The following ZFHX3 variants were observed in gnomAD, a reference collection of about 807,000 sequenced individuals.
The protein encoded by ZFHX3 is zinc finger homeobox 3.
A neutral mutation model predicts 279.1 loss-of-function variants in ZFHX3; 42 were observed. The ratio of observed to expected loss-of-function variants is 0.15; its 90% CI spans 0.12 to 0.19. ZFHX3 has a LOEUF of 0.19. Ranked by LOEUF, ZFHX3 falls within the 10% of genes least tolerant of loss-of-function variation. The probability of loss-of-function intolerance (pLI) is 1.00; values close to 1 mark genes in which losing one functional copy is unlikely to be tolerated. For missense variants in ZFHX3, 4,981 were observed against 4,754.0 expected (o/e 1.05, Z -1.40); for synonymous variants, 2,293 against 1,957.8 (o/e 1.17, Z -4.52).
chr16:73,022,343 C>A (rs1258461103), intron 1 of ZFHX3, among the ~76,000 whole-genome samples: 1 of 152,154 alleles, frequency 6.6e-6, no homozygotes, highest in Non-Finnish European at 1.5e-5. Context: ...GCAAGCCAGG[C>A]AGGCAGATGG....
At chr16:73,270,196 AT>A (rs1293193198) in intron 4 of ZFHX3, among the ~76,000 whole-genome samples, 1 of 152,178 alleles carries the variant, frequency 6.6e-6, no homozygotes, top group Admixed American at 6.5e-5. Context: ...TTTAGATTGC[AT>A]TTTCCTAAGG....
chr16:73,292,882 C>G (rs9935860), intron 4 of ZFHX3, among the ~76,000 whole-genome samples: 3 of 152,212 alleles, frequency 2.0e-5, no homozygotes, highest in Non-Finnish European at 4.4e-5. Context: ...CAGAAACTTT[C>G]TGGTATGTTC....
intron 2 of ZFHX3, among the ~76,000 whole-genome samples, chr16:73,560,568 G>A (rs562676987): frequency 5.3e-4 from 81 of 152,306 alleles, no homozygotes; most frequent in African/African-American, 1.8e-3. Context: ...ATTGCTAGGC[G>A]GGTTTGGGTG....
At chr16:73,034,400 G>C (rs1964825126) in intron 1 of ZFHX3, among the ~76,000 whole-genome samples, 1 of 152,198 alleles carries the variant, frequency 6.6e-6, no homozygotes, top group Non-Finnish European at 1.5e-5. Context: ...GGGGGCACTA[G>C]AGCCTCTAAG....
At chr16:73,263,555 T>C (rs2013882832) in intron 4 of ZFHX3, among the ~76,000 whole-genome samples, 2 of 152,174 alleles carry the variant, frequency 1.3e-5, no homozygotes, top group African/African-American at 4.8e-5. Context: ...ACATGTTGCC[T>C]GGTCCATGTC....
intron 6 of ZFHX3, chr16:73,134,622 A>T (rs1348633463): frequency 1.3e-5 from 2 of 151,768 alleles, no homozygotes; most frequent in African/African-American, 2.4e-5. Context: ...GGTATGCCCC[A>T]CTGCACCTGG....
intron 7 of ZFHX3, among the ~76,000 whole-genome samples, chr16:73,098,351 A>G (rs933645424): frequency 6.6e-6 from 1 of 150,978 alleles, no homozygotes; most frequent in Non-Finnish European, 1.5e-5. Context: ...TACAGGTGTG[A>G]GCCACCGTGC....
chr16:73,406,473 A>G (rs1427173520), intron 3 of ZFHX3, among the ~76,000 whole-genome samples: 2 of 152,194 alleles, frequency 1.3e-5, no homozygotes, highest in Admixed American at 1.3e-4. Flanking sequence ...TTACTATTTG[A>G]TACTTAGTAA....
intron 4 of ZFHX3, among the ~76,000 whole-genome samples, chr16:72,844,435 G>A (rs1359627203): frequency 3.3e-5 from 5 of 151,966 alleles, no homozygotes; most frequent in Admixed American, 6.6e-5. Context: ...CCTTCACACC[G>A]CCCATGTTTC....
chr16:73,612,200 C>T (rs1012550599), intron 2 of ZFHX3, among the ~76,000 whole-genome samples: 3 of 151,876 alleles, frequency 2.0e-5, no homozygotes, highest in Non-Finnish European at 2.9e-5. Flanking sequence ...TTGACACTTG[C>T]AATGATTTTT....
chr16:73,665,843 G>C (rs974703438), intron 2 of ZFHX3, among the ~76,000 whole-genome samples: 2 of 115,004 alleles, frequency 1.7e-5, no homozygotes, highest in Non-Finnish European at 3.3e-5. Context: ...TTAAGGCAGA[G>C]TCTTGCTCTG....
intron 3 of ZFHX3, among the ~76,000 whole-genome samples, chr16:73,441,636 G>A (rs192870049): frequency 1.1e-4 from 17 of 152,306 alleles, no homozygotes; most frequent in Non-Finnish European, 1.9e-4. Context: ...CCAGCTCAGA[G>A]GAGAGAGAAA....
chr16:72,977,297 C>G (rs140370394), intron 1 of ZFHX3, among the ~76,000 whole-genome samples: 82 of 152,246 alleles, frequency 5.4e-4, no homozygotes, highest in Non-Finnish European at 1.1e-3. Context: ...CTGGCCTCCC[C>G]AGGTCTTATG....
At chr16:72,858,453 G>T (rs1270346719) in intron 4 of ZFHX3, among the ~76,000 whole-genome samples, 2 of 152,152 alleles carry the variant, frequency 1.3e-5, no homozygotes, top group East Asian at 3.9e-4. Flanking sequence ...CAAACAAAAG[G>T]ATGAGGTGAA....
intron 3 of ZFHX3, among the ~76,000 whole-genome samples, chr16:72,895,964 T>C (rs187178185): frequency 6.6e-6 from 1 of 152,360 alleles, no homozygotes; most frequent in East Asian, 1.9e-4. Flanking sequence ...AAAGGTACTG[T>C]AGCTTTCACA....
At chr16:73,057,666 C>G (rs1360814260) in intron 1 of ZFHX3, among the ~76,000 whole-genome samples, 1 of 151,916 alleles carries the variant, frequency 6.6e-6, no homozygotes, top group Middle Eastern at 3.4e-3. Context: ...GGCGCAGCCC[C>G]GAGCCCCCGG....
At chr16:72,933,813 CTTT>C (rs71391468) in intron 3 of ZFHX3, among the ~76,000 whole-genome samples, 9 of 112,476 alleles carry the variant, frequency 8.0e-5, no homozygotes, top group Non-Finnish European at 1.2e-4. Flanking sequence ...TCACAACTTT[CTTT>C]TTTTTTTTTT....
intron 4 of ZFHX3, among the ~76,000 whole-genome samples, chr16:73,300,510 T>TA (rs2015028683): frequency 6.9e-6 from 1 of 144,362 alleles, no homozygotes; most frequent in Non-Finnish European, 1.5e-5. Context: ...GCTCCTTGAC[T>TA]TTTTTTTTTT....
chr16:72,832,752 C>T (rs1222902589), intron 4 of ZFHX3, among the ~76,000 whole-genome samples: 3 of 152,000 alleles, frequency 2.0e-5, no homozygotes, highest in Admixed American at 6.6e-5. Flanking sequence ...CTCCGCATGG[C>T]GAGGCCCGGA....
Sources: gnomAD v4.1 joint callset for allele counts (sites outside exome capture counted in the v4.1 genomes callset) on GRCh38, gnomAD v4.1.1 for gene constraint, MANE v1.5 for transcripts, NCBI Gene and HGNC (gene_info 2026-07-23, HGNC 2026-07-21) for gene names.